The following MZT2B variants were observed in gnomAD, a reference collection of about 807,000 sequenced individuals.
The protein encoded by MZT2B is mitotic spindle organizing protein 2B.
A neutral mutation model predicts 12.1 loss-of-function variants in MZT2B; 11 were observed. That is an observed-to-expected ratio of 0.91 (90% CI 0.57 to 1.50). MZT2B has a LOEUF of 1.50. MZT2B is among the 40% of genes most tolerant of loss of function. MZT2B has a pLI of 0.00. For synonymous variants in MZT2B, 85 were observed against 109.5 expected (o/e 0.78, Z 1.40); for missense variants, 209 against 227.7 (o/e 0.92, Z 0.53).
At chr2:130,193,765 C>T (rs1484489710), downstream of MZT2B, 2 of 1,584,574 alleles carry the variant, frequency 1.3e-6, no homozygotes, top group African/African-American at 2.7e-5. Context: ...GCTGAAAGGC[C>T]TCCATGTCAC....
chr2:130,182,814 G>T (rs1290291534), intron 2 of MZT2B, 39 bp downstream of exon 2: 10 of 1,336,058 alleles, frequency 7.5e-6, no homozygotes, highest in Middle Eastern at 2.7e-4. Context: ...CAGTGGCGGG[G>T]GTGGCGGGCG....
Position 130,184,240 on chromosome 2 carries a change from C to G in MZT2B, c.319+1465C>G. On this transcript the variant is annotated intron_variant, in intron 2 of 2. Transcript: ENST00000281871. ...GAACTGTGGTGAGTGTAAAGAGCCC[C>G]TCTCCAAGGGAAGACAGCCGGCCAG... 4 of 1,390,156 alleles carry G rather than the reference C, an allele frequency of 2.9e-6. No individual in the cohort carries two copies. The South Asian group carries it at 4.7e-5, about 16-fold the overall frequency. 86.1% of individuals were successfully genotyped at this position (1,390,156 alleles called of 1,614,324 possible).
chr2:130,195,561 C>T, downstream of MZT2B, among the ~76,000 whole-genome samples: 1 of 152,248 alleles, frequency 6.6e-6, no homozygotes, highest in Non-Finnish European at 1.5e-5. Context: ...GTTAAAAACT[C>T]TTACAACCTG....
chr2:130,190,236 T>C (rs1039289965), intron 2 of MZT2B, among the ~76,000 whole-genome samples: 6 of 152,222 alleles, frequency 3.9e-5, no homozygotes, highest in Admixed American at 1.3e-4. Flanking sequence ...TGCATGGCTT[T>C]GCTCCTAGGA....
At chr2:130,182,029 C>G, upstream of MZT2B, 2 of 1,351,424 alleles carry the variant, frequency 1.5e-6, no homozygotes, top group African/African-American at 1.5e-5. Flanking sequence ...TCAGGGAGGC[C>G]CAGATCGCCA....
chr2:130,202,729 C>T, the MZT2B span, among the ~76,000 whole-genome samples: 1 of 152,330 alleles, frequency 6.6e-6, no homozygotes, highest in African/African-American at 2.4e-5. Context: ...CAGTTCAACC[C>T]CGCAGAGTAA....
chr2:130,183,750 T>C (rs1303900889), intron 2 of MZT2B: 6 of 1,550,424 alleles, frequency 3.9e-6, no homozygotes, highest in Non-Finnish European at 5.2e-6. Flanking sequence ...TGACCTTCGC[T>C]CTGTCTGCTC....
chr2:130,187,546 C>T (rs1690110387), intron 2 of MZT2B, among the ~76,000 whole-genome samples: 1 of 152,170 alleles, frequency 6.6e-6, no homozygotes, highest in Admixed American at 6.5e-5. Context: ...TTTAGGAGGG[C>T]CCTCCAGGGA....
chr2:130,194,829 C>A (rs112341378), downstream of MZT2B, among the ~76,000 whole-genome samples: 587 of 152,254 alleles, frequency 3.9e-3, 4 homozygotes, highest in African/African-American at 0.013. Flanking sequence ...AGGTGTGTGC[C>A]ACCACACCCA....
At chr2:130,183,865 C>T (rs1689930745) in intron 2 of MZT2B, 1 of 1,550,670 alleles carries the variant, frequency 6.4e-7, no homozygotes, top group Non-Finnish European at 8.7e-7. Context: ...CCTGCGGCCT[C>T]TCCGGTTCTG....
chr2:130,183,363 G>T (rs1270783756), intron 2 of MZT2B, among the ~76,000 whole-genome samples: 5 of 152,198 alleles, frequency 3.3e-5, no homozygotes, highest in Non-Finnish European at 7.3e-5. Context: ...TCTGATGACT[G>T]CAGGAAGAGA....
At chr2:130,183,080 C>A (rs536473879) in intron 2 of MZT2B, 2 of 521,962 alleles carry the variant, frequency 3.8e-6, no homozygotes, top group Non-Finnish European at 3.4e-6. Context: ...GGAATCAAGA[C>A]AGTTTGGGGC....
At chr2:130,183,367 G>A (rs1027386961) in intron 2 of MZT2B, among the ~76,000 whole-genome samples, 2 of 152,186 alleles carry the variant, frequency 1.3e-5, no homozygotes, top group Non-Finnish European at 2.9e-5. Flanking sequence ...ATGACTGCAG[G>A]AAGAGAGTCA....
At chr2:130,187,593 C>G (rs1410539798) in intron 2 of MZT2B, among the ~76,000 whole-genome samples, 2 of 152,184 alleles carry the variant, frequency 1.3e-5, no homozygotes, top group Non-Finnish European at 2.9e-5. Flanking sequence ...GCCCTCACAC[C>G]CCAACCTGCA....
chr2:130,200,095 CA>C, the MZT2B span, among the ~76,000 whole-genome samples: 71 of 136,006 alleles, frequency 5.2e-4, no homozygotes, highest in Non-Finnish European at 4.9e-4. Context: ...AACTCCATCT[CA>C]AAAAAAAAAA....
At chr2:130,192,219 G>A (rs535620189), downstream of MZT2B, 72 of 1,512,546 alleles carry the variant, frequency 4.8e-5, no homozygotes, top group African/African-American at 9.3e-4. Context: ...CACCCTGTAG[G>A]TGACACGGAG....
chr2:130,187,242 G>A (rs1438543865), intron 2 of MZT2B, among the ~76,000 whole-genome samples: 1 of 151,904 alleles, frequency 6.6e-6, no homozygotes, highest in Non-Finnish European at 1.5e-5. Flanking sequence ...CCAGGCTGGA[G>A]TGCAGTGGCA....
At chr2:130,181,767 C>A (rs763335659), upstream of MZT2B, 602 of 1,548,044 alleles carry the variant, frequency 3.9e-4, no homozygotes, top group Non-Finnish European at 5.0e-4. Context: ...GCTGAATGCG[C>A]CTGCGTTGTG....
chr2:130,184,810 C>A, intron 2 of MZT2B: 2 of 985,260 alleles, frequency 2.0e-6, no homozygotes, highest in East Asian at 1.1e-4. Context: ...GCTCTCAGGG[C>A]AGAGGGTGTG....
Sources: gnomAD v4.1 joint callset for allele counts (sites outside exome capture counted in the v4.1 genomes callset) on GRCh38, gnomAD v4.1.1 for gene constraint, MANE v1.5 for transcripts, NCBI Gene and HGNC (gene_info 2026-07-23, HGNC 2026-07-21) for gene names.